The following GLDC variants were observed in gnomAD, a reference collection of about 807,000 sequenced individuals.
GLDC encodes the protein glycine dehydrogenase (decarboxylating), mitochondrial.
Under a neutral mutation model 121.3 loss-of-function variants are expected in GLDC, and 104 were observed. The observed-to-expected ratio is 0.86, with a 90% CI of 0.73 to 1.01. The LOEUF is 1.01. Among genes scored for constraint, GLDC ranks in the 50% least tolerant of loss-of-function variants. GLDC has a pLI of 0.00. For synonymous variants in GLDC, 546 were observed against 480.6 expected (o/e 1.14, Z -1.78); for missense variants, 1,429 against 1,306.6 (o/e 1.09, Z -1.44).
intron 2 of GLDC, among the ~76,000 whole-genome samples, chr9:6,626,030 C>T (rs1483961776): frequency 1.3e-5 from 2 of 152,034 alleles, no homozygotes; most frequent in South Asian, 2.1e-4. Context: ...AATGCCACCC[C>T]TCTGCCTGCC....
intron 15 of GLDC, among the ~76,000 whole-genome samples, chr9:6,573,283 A>G (rs1817999771): frequency 6.6e-6 from 1 of 151,908 alleles, no homozygotes; most frequent in Non-Finnish European, 1.5e-5. Context: ...CAACATGGAG[A>G]AACCCTGTCT....
Position 6,621,796 on chromosome 9 carries a change from G to T in GLDC, c.335-1477C>A, listed in dbSNP as rs377391898. On this transcript the variant is annotated intron_variant, in intron 2 of 24. Transcript: ENST00000321612. The stretch of plus-strand genomic sequence containing the variant: ...CTCCCAAAGTGCTGGGATTACAGGC[G>T]TGAGCCACCGCGCCCTGCCACTGAA... Among the ~76,000 whole-genome samples the T allele has an allele frequency of 5.9e-5, 9 of 152,278 alleles. No homozygotes were observed. In the East Asian group the frequency reaches 9.6e-4, roughly 16 times the overall value.
intron 21 of GLDC, among the ~76,000 whole-genome samples, chr9:6,545,009 G>GA (rs1185375115): frequency 1.3e-5 from 2 of 151,922 alleles, no homozygotes; most frequent in Admixed American, 1.3e-4. Flanking sequence ...TGAGGTGGGA[G>GA]AATCGCTTGA....
rs79333429 is a variant in GLDC at position 6,589,038 on chromosome 9, G to A, written c.1580+157C>T. On this transcript the variant is annotated intron_variant, in intron 12 of 24. Transcript: ENST00000321612. The stretch of plus-strand genomic sequence containing the variant: ...AGGAAACAAAGTGTGCTTTTCCCAA[G>A]TCAGGAACGGGATCGTTATGAGGAT... Among the ~76,000 whole-genome samples the A allele has an allele frequency of 1.7e-4, 26 of 152,330 alleles. 1 individual carries two copies. The East Asian group carries it at 5.0e-3, about 29-fold the overall frequency.
chr9:6,639,409 T>C (rs1291180217), intron 2 of GLDC: 1 of 924,868 alleles, frequency 1.1e-6, no homozygotes, highest in Non-Finnish European at 1.8e-6. Context: ...ATGAAGAAGA[T>C]GGAAGACAAC....
intron 9 of GLDC, among the ~76,000 whole-genome samples, chr9:6,593,567 G>A (rs183084503): frequency 1.3e-4 from 19 of 151,936 alleles, no homozygotes; most frequent in African/African-American, 4.1e-4. Context: ...CTCCCAAAAC[G>A]ATGGGATTAT....
chr9:6,550,032 C>T (rs1004703016), intron 21 of GLDC, among the ~76,000 whole-genome samples: 3 of 152,162 alleles, frequency 2.0e-5, no homozygotes, highest in African/African-American at 7.2e-5. Context: ...GACCAGAGAG[C>T]TTTCTTTTCT....
In GLDC at chr9:6,545,403, G is replaced by C. The variant is rs192136682; in HGVS notation, c.2570-5257C>G. Among the ~76,000 whole-genome samples, 150 of 152,246 alleles carry C rather than the reference G, an allele frequency of 9.9e-4. 1 individual carries two copies. The highest frequency in any genetic ancestry group is 3.3e-3 in the African/African-American group (137 of 41,552). ...AACATATCTCAACATAGAAAAGACA[G>C]AGCAAAAATACGACATAAAACATAA... On this transcript the variant is annotated intron_variant, in intron 21 of 24. Transcript: ENST00000321612.
intron 21 of GLDC, among the ~76,000 whole-genome samples, chr9:6,549,253 C>A (rs1320176185): frequency 6.6e-6 from 1 of 151,814 alleles, no homozygotes; most frequent in Non-Finnish European, 1.5e-5. Context: ...TGTTGACTGC[C>A]AGAGAAACAA....
intron 20 of GLDC, 83 bp from the exon 21 acceptor site, chr9:6,550,997 T>C (rs965647138): frequency 1.3e-5 from 11 of 874,732 alleles, no homozygotes; most frequent in Non-Finnish European, 2.1e-5. Context: ...CACCCCCAGA[T>C]AAACTCCACC....
intron 21 of GLDC, among the ~76,000 whole-genome samples, chr9:6,547,753 A>G (rs888092599): frequency 6.6e-6 from 1 of 152,240 alleles, no homozygotes; most frequent in Admixed American, 6.5e-5. Context: ...CATCTACACA[A>G]TGGAATTGAC....
At chr9:6,554,044 C>A (rs562484112) in intron 19 of GLDC, among the ~76,000 whole-genome samples, 3 of 152,130 alleles carry the variant, frequency 2.0e-5, no homozygotes, top group African/African-American at 7.2e-5. Flanking sequence ...TCCAGCAACT[C>A]TGAAAACTGA....
At chr9:6,546,601 G>C (rs950186225) in intron 21 of GLDC, among the ~76,000 whole-genome samples, 2 of 151,976 alleles carry the variant, frequency 1.3e-5, no homozygotes, top group African/African-American at 4.8e-5. Context: ...AATACCTCCT[G>C]AAGGACCGCC....
At chr9:6,639,681 A>ATATATATATATATC in intron 2 of GLDC, 1 of 252,240 alleles carries the variant, frequency 4.0e-6, no homozygotes, top group Non-Finnish European at 7.0e-6. Context: ...ATATATATAT[A>ATATATATATATATC]TATATATGGA....
Position 6,544,201 on chromosome 9 carries a change from C to T in GLDC, c.2570-4055G>A, listed in dbSNP as rs144423628. On this transcript the variant is annotated intron_variant, in intron 21 of 24. Transcript: ENST00000321612. Reference sequence around the variant, plus strand: ...ACATGACTAACAGAATCAAACCTCCCGGCTGTTTCCCTGTAGTTCAAGCGA... The same window carrying T: ...ACATGACTAACAGAATCAAACCTCCTGGCTGTTTCCCTGTAGTTCAAGCGA... Among the ~76,000 whole-genome samples, 388 of 152,222 alleles carry T rather than the reference C, an allele frequency of 2.5e-3. 2 individuals carry two copies. Among genetic ancestry groups the T allele is most frequent in the African/African-American group, 9.0e-3 (374 of 41,534 alleles).
intron 2 of GLDC, among the ~76,000 whole-genome samples, chr9:6,628,951 C>G (rs1819305479): frequency 6.6e-6 from 1 of 152,106 alleles, no homozygotes; most frequent in Non-Finnish European, 1.5e-5. Context: ...TGCATAATCT[C>G]CTGGTCCTAA....
chr9:6,617,281 G>A (rs1468480806), intron 3 of GLDC, among the ~76,000 whole-genome samples: 1 of 152,276 alleles, frequency 6.6e-6, no homozygotes, highest in South Asian at 2.1e-4. Context: ...CACCTGAAAA[G>A]TAAATGAAAA....
Position 6,599,720 on chromosome 9 carries a change from C to CAAAAAAAA in GLDC, c.1155+2381_1155+2388dup, listed in dbSNP as rs549444099. Among the ~76,000 whole-genome samples, 33 of 120,730 alleles carry CAAAAAAAA rather than the reference C, an allele frequency of 2.7e-4. 1 individual carries two copies. The highest frequency in any genetic ancestry group is 1.1e-3 in the African/African-American group (32 of 29,898). The allele number at this position is 120,730 out of a possible 152,430, so 79.2% of individuals were successfully genotyped here. A position where few individuals can be genotyped will look rare whatever the true frequency, so the allele number is the denominator to read the frequency against. On this transcript the variant is annotated intron_variant, in intron 8 of 24. Transcript: ENST00000321612. ...TGGGTGACAGAGCAAGACTCCATCT[C>CAAAAAAAA]AAAAAAAAAAAAAACAACCAAAAAA...
At chr9:6,555,549 G>C (rs1430908276) in intron 18 of GLDC, among the ~76,000 whole-genome samples, 1 of 151,958 alleles carries the variant, frequency 6.6e-6, no homozygotes, top group Non-Finnish European at 1.5e-5. Context: ...CAGGTGGATT[G>C]CCTGAGCTCA....
Sources: gnomAD v4.1 joint callset for allele counts (sites outside exome capture counted in the v4.1 genomes callset) on GRCh38, gnomAD v4.1.1 for gene constraint, MANE v1.5 for transcripts, NCBI Gene and HGNC (gene_info 2026-07-23, HGNC 2026-07-21) for gene names.